LAMC3: variants seen among roughly 807,000 people sequenced by gnomAD.
LAMC3 encodes laminin subunit gamma-3.
In LAMC3, 128 loss-of-function variants were observed where a neutral mutation model predicts 173.8. That is an observed-to-expected ratio of 0.74 (90% CI 0.64 to 0.85). The LOEUF is 0.85. LAMC3 is among the 40% of genes least tolerant of loss of function. The pLI is 0.00. For missense variants in LAMC3, 2,022 were observed against 2,156.0 expected (o/e 0.94, Z 1.23); for synonymous variants, 897 against 909.1 (o/e 0.99, Z 0.24).
intron 27 of LAMC3, among the ~76,000 whole-genome samples, chr9:131,089,687 C>A (rs1255523941): frequency 6.6e-6 from 1 of 152,126 alleles, no homozygotes; most frequent in Admixed American, 6.6e-5. Flanking sequence ...CATGCCCGGC[C>A]TTATTTGTCC....
At chr9:131,032,581 T>TC (rs1833856049) in intron 3 of LAMC3, among the ~76,000 whole-genome samples, 2 of 140,354 alleles carry the variant, frequency 1.4e-5, no homozygotes, top group Admixed American at 1.4e-4. Context: ...TCTCTCTCGC[T>TC]TGCTCTCTTT....
chr9:131,045,499 T>A (rs1234280104), intron 7 of LAMC3, 25 bp from the exon 8 acceptor site: 1 of 1,612,872 alleles, frequency 6.2e-7, no homozygotes, highest in Non-Finnish European at 8.5e-7. Flanking sequence ...GTGGCCCTCG[T>A]GGGCATGTCC....
Position 131,036,202 on chromosome 9 carries a change from C to A in LAMC3, c.846C>A (p.Pro282=). The change falls in exon 4 of 28, where the codon CCC becomes CCA. Residue 282 remains proline (P), a synonymous_variant. Transcript: ENST00000361069. ...ACGGGCATGCCAGCGAGTGCGGCCC[C>A]GACGTGGCAGGCCAGTTGGCCTGCC... The part of the protein sequence containing the change: ...KCNGHASECG[P]DVAGQLACRC... 6.2e-7 allele frequency: 1 copy of A among 1,613,012 alleles called. No individual in the cohort carries two copies. Among genetic ancestry groups the A allele is most frequent in the South Asian group, 1.1e-5 (1 of 91,050 alleles).
At chr9:131,087,842 C>G in intron 27 of LAMC3, 25 bp downstream of exon 27, 1 of 1,598,588 alleles carries the variant, frequency 6.3e-7, no homozygotes, top group Non-Finnish European at 8.6e-7. Context: ...AGGCTGGGCC[C>G]TGAACCCCTG....
intron 27 of LAMC3, among the ~76,000 whole-genome samples, chr9:131,088,435 T>C (rs1186913080): frequency 3.3e-5 from 5 of 152,068 alleles, no homozygotes; most frequent in Non-Finnish European, 7.4e-5. Context: ...AGATGGGCCT[T>C]AGCAAGGAGG....
In LAMC3 at chr9:131,052,550, G is replaced by A. The variant is rs755480548; in HGVS notation, c.1690G>A (p.Val564Met). ...YGQPLILTFR[V>M]PPGDSPLPVQ... ...GCAGCCCCTCATACTGACCTTCCGG[G>A]TGCCCCCCGGGGACTCCCCACTCCC... The change falls in exon 10 of 28, where the codon GTG (valine) becomes ATG (methionine). Residue 564 changes from valine (V) to methionine (M), a missense_variant. Coordinates refer to ENST00000361069, the MANE Select transcript of LAMC3 (RefSeq NM_006059.4). 4.3e-6 allele frequency: 7 copies of A among 1,614,152 alleles called. No individual in the cohort carries two copies. The highest frequency in any genetic ancestry group is 2.7e-5 in the African/African-American group (2 of 75,048).
chr9:131,055,573 C>T (rs561117621), intron 11 of LAMC3, among the ~76,000 whole-genome samples: 24 of 151,384 alleles, frequency 1.6e-4, no homozygotes, highest in Middle Eastern at 3.4e-3. Flanking sequence ...TACAGGCGCC[C>T]GCCACCACGC....
chr9:131,019,775 A>G (rs1244635141), intron 1 of LAMC3, among the ~76,000 whole-genome samples: 1 of 152,000 alleles, frequency 6.6e-6, no homozygotes, highest in African/African-American at 2.4e-5. Context: ...GCTGCCTAGG[A>G]AGGGGGTGAA....
At position 131,052,975 on chromosome 9, in the gene LAMC3, GACAACC is replaced by G. The variant is rs1834328587; in HGVS notation, c.1939+14_1939+19del. ...GGCCCCAGCCCTGCCGGTCAGTAAA[GACAACC>G]ACATGCCCAAGACCCGAGTGCTTGC... On this transcript the variant is annotated intron_variant, in intron 11 of 27. Transcript: ENST00000361069. The G allele has an allele frequency of 6.3e-7, 1 of 1,592,938 alleles. No individual in the cohort carries two copies. The highest frequency in any genetic ancestry group is 1.1e-5 in the South Asian group (1 of 90,578).
intron 18 of LAMC3, 148 bp from the exon 19 acceptor site, chr9:131,072,482 G>C: frequency 2.8e-6 from 2 of 707,826 alleles, no homozygotes; most frequent in Non-Finnish European, 4.9e-6. Context: ...CTGGAAAATG[G>C]GGGTACTCTG....
rs1479735915 is a variant in LAMC3, at chr9:131,052,722, G to C, written c.1823+39G>C. 7 of 1,578,612 alleles carry C rather than the reference G, an allele frequency of 4.4e-6. No individual in the cohort carries two copies. In the Admixed American group the frequency reaches 1.0e-4, roughly 23 times the overall value. ...TCTGTCCTGAGAGATGGGGAGGTGA[G>C]AGGGGTGGTCTCTGAGGTCCGGGCA... On this transcript the variant is annotated intron_variant, in intron 10 of 27. Transcript: ENST00000361069.
intron 1 of LAMC3, among the ~76,000 whole-genome samples, chr9:131,013,219 T>TC (rs1833456357): frequency 6.6e-6 from 1 of 152,128 alleles, no homozygotes; most frequent in African/African-American, 2.4e-5. Context: ...CCCGGGACCC[T>TC]CCCCCTAACT....
Position 131,079,232 on chromosome 9 carries a change from T to G in LAMC3, c.3861T>G (p.Thr1287=), listed in dbSNP as rs1320442003. The G allele has an allele frequency of 6.2e-7, 1 of 1,614,070 alleles. No homozygotes were observed. The highest frequency in any genetic ancestry group is 1.3e-5 in the African/African-American group (1 of 74,954). ...KTVASWQHMA[T]EAARTLQTAA... is the part of the protein sequence containing the mutation. ...TTGCATCATGGCAGCACATGGCCAC[T>G]GAGGCTGCCCGAACCCTCCAGACTG... is the stretch of plus-strand genomic sequence containing the variant. The change falls in exon 23 of 28, where the codon ACT becomes ACG. Residue 1287 remains threonine, a synonymous_variant. Transcript: ENST00000361069.
At chr9:131,075,729 G>C in intron 20 of LAMC3, 102 bp from the exon 21 acceptor site, 1 of 1,332,770 alleles carries the variant, frequency 7.5e-7, no homozygotes, top group East Asian at 2.5e-5. Flanking sequence ...GCTGTCCTCT[G>C]TTAGGGGCAG....
At chr9:131,023,348 G>C (rs965498508) in intron 1 of LAMC3, among the ~76,000 whole-genome samples, 1 of 152,148 alleles carries the variant, frequency 6.6e-6, no homozygotes, top group Non-Finnish European at 1.5e-5. Context: ...TTGAGGAACT[G>C]CTAGGCGCTG....
intron 20 of LAMC3, 56 bp from the exon 21 acceptor site, chr9:131,075,775 C>T: frequency 6.4e-7 from 1 of 1,565,214 alleles, no homozygotes; most frequent in South Asian, 1.2e-5. Context: ...TAGTTCTGAT[C>T]CTGGGCCCCT....
Position 131,009,456 on chromosome 9 carries a change from AC to A in LAMC3, c.247del (p.Gln83SerfsTer42), listed in dbSNP as rs1441983264. 1.9e-6 allele frequency: 3 copies of A among 1,547,140 alleles called. No homozygotes were observed. In the Admixed American group the frequency reaches 5.9e-5, roughly 30 times the overall value. On this transcript the variant is annotated frameshift_variant, in exon 1 of 28. Coordinates refer to ENST00000361069, the MANE Select transcript of LAMC3 (RefSeq NM_006059.4). LOFTEE classifies it high-confidence loss of function. This position sits in a 1 kb window ranked among gnomAD's most constrained non-coding sequence, Gnocchi z 4.3. Reference sequence around the variant, plus strand: ...CATTGCCAGCGCTGCGACGCCGCCGACCCCCAGCGCCACCACAACGCCTCCT... The same window carrying A: ...CATTGCCAGCGCTGCGACGCCGCCGACCCCAGCGCCACCACAACGCCTCCT... ...GAHCQRCDAA[D>X]PQRHHNASYL...
rs576286545 is a variant in LAMC3, at chr9:131,091,815, C to A, written c.*28C>A. ...GCTGCCCAGATCCCCGGCACACACT[C>A]CCCCACCTGCTGTTTACATGACCCA... On this transcript the variant is annotated 3_prime_UTR_variant, in exon 28 of 28. Coordinates refer to ENST00000361069, the MANE Select transcript of LAMC3 (RefSeq NM_006059.4). 1.9e-6 allele frequency: 3 copies of A among 1,609,082 alleles called. No individual in the cohort carries two copies. The highest frequency in any genetic ancestry group is 3.3e-5 in the Admixed American group (2 of 59,938).
intron 4 of LAMC3, among the ~76,000 whole-genome samples, chr9:131,038,162 C>A (rs1339332763): frequency 6.6e-6 from 1 of 152,246 alleles, no homozygotes; most frequent in Non-Finnish European, 1.5e-5. Flanking sequence ...TTCAGCGCGG[C>A]CATGACTTCC....
Sources: gnomAD v4.1 joint callset for allele counts (sites outside exome capture counted in the v4.1 genomes callset) on GRCh38, gnomAD v4.1.1 for gene constraint, Gnocchi (gnomAD v3.1) non-coding constraint, MANE v1.5 for transcripts, NCBI Gene and HGNC (gene_info 2026-07-23, HGNC 2026-07-21) for gene names.